Variants in MACO1 observed in about 807,000 individuals in gnomAD.
MACO1 encodes the protein macoilin 1, also known as macoilin.
Under a neutral mutation model 78.7 loss-of-function variants are expected in MACO1, and 14 were observed. The ratio of observed to expected loss-of-function variants is 0.18; its 90% confidence interval spans 0.12 to 0.28. The LOEUF is 0.28. Among genes scored for constraint, MACO1 ranks in the 10% least tolerant of loss-of-function variants. The pLI is 1.00. For synonymous variants in MACO1, 288 were observed against 291.6 expected (o/e 0.99, Z 0.12); for missense variants, 501 against 799.0 (o/e 0.63, Z 4.50).
intron 2 of MACO1, among the ~76,000 whole-genome samples, chr1:25,447,552 G>A (rs1410772125): frequency 6.6e-6 from 1 of 152,086 alleles, no homozygotes; most frequent in Non-Finnish European, 1.5e-5. Context: ...TAGAAGAGTG[G>A]CTCCATTTTT....
intron 6 of MACO1, among the ~76,000 whole-genome samples, chr1:25,478,967 G>C (rs1284309101): frequency 6.6e-6 from 1 of 152,098 alleles, no homozygotes; most frequent in East Asian, 1.9e-4. Flanking sequence ...TTTTAAATGA[G>C]ATTGTAGCTC....
intron 2 of MACO1, among the ~76,000 whole-genome samples, chr1:25,448,576 T>C (rs2043036706): frequency 6.6e-6 from 1 of 152,242 alleles, no homozygotes; most frequent in Non-Finnish European, 1.5e-5. Context: ...CCAGTTCTTT[T>C]TCATGATTTG....
Position 25,485,302 on chromosome 1 carries a change from A to G in MACO1, c.1314-311A>G, listed in dbSNP as rs925986267. 1.3e-5 allele frequency among the ~76,000 whole-genome samples: 2 copies of G among 152,210 alleles called. No homozygotes were observed. The highest frequency in any genetic ancestry group is 4.8e-5 in the African/African-American group (2 of 41,446). On this transcript the variant is annotated intron_variant, in intron 7 of 10. Coordinates refer to ENST00000374343, the MANE Select transcript of MACO1 (RefSeq NM_018202.6). The surrounding 1 kb of genome is among the most constrained non-coding windows in gnomAD (Gnocchi z 4.3). ...GCTCTGGAACATTAGAATTAGTTCT[A>G]CAATTATCTTCCCCTCTGTTCAAAA...
intron 2 of MACO1, among the ~76,000 whole-genome samples, chr1:25,447,290 A>T (rs1198192022): frequency 6.6e-6 from 1 of 152,014 alleles, no homozygotes; most frequent in Non-Finnish European, 1.5e-5. Flanking sequence ...ATTGGATTGG[A>T]GTTAGAGTAG....
chr1:25,462,128 C>T (rs2043177304), intron 6 of MACO1, among the ~76,000 whole-genome samples: 1 of 152,138 alleles, frequency 6.6e-6, no homozygotes, highest in Non-Finnish European at 1.5e-5. Flanking sequence ...CCAGATGGAG[C>T]AGCCTGGACT....
At chr1:25,487,729 G>A (rs1432327620) in intron 8 of MACO1, among the ~76,000 whole-genome samples, 2 of 152,140 alleles carry the variant, frequency 1.3e-5, no homozygotes, top group Admixed American at 1.3e-4. Context: ...CTCAAAAGTG[G>A]GGGGAAAATT....
chr1:25,479,661 A>G (rs2043353692), intron 6 of MACO1, among the ~76,000 whole-genome samples: 1 of 152,152 alleles, frequency 6.6e-6, no homozygotes, highest in Non-Finnish European at 1.5e-5. Context: ...TGCCCGCCTC[A>G]GCTTCCCAAA....
At position 25,499,044 on chromosome 1, in the gene MACO1, C is replaced by G. The variant is rs1325013395; in HGVS notation, c.*578C>G. On this transcript the variant is annotated 3_prime_UTR_variant, in exon 11 of 11. Coordinates refer to ENST00000374343, the MANE Select transcript of MACO1 (RefSeq NM_018202.6). ...AGCATCATTTAAGCTAAGAAGAGAC[C>G]TAAGTGATGAAACTAGCTGTAAGAA... 1 of 152,220 alleles carries G rather than the reference C, an allele frequency of 6.6e-6. No homozygotes were observed. The highest frequency in any genetic ancestry group is 1.5e-5 in the Non-Finnish European group (1 of 68,080). 9.4% of individuals were successfully genotyped at this position (152,220 alleles called of 1,614,324 possible).
At chr1:25,482,440 C>G (rs373411844) in intron 6 of MACO1, among the ~76,000 whole-genome samples, 1 of 152,206 alleles carries the variant, frequency 6.6e-6, no homozygotes, top group African/African-American at 2.4e-5. Flanking sequence ...CTTTCCTACT[C>G]TCTCCCCAGT....
chr1:25,460,253 G>GA (rs978665183), intron 6 of MACO1, among the ~76,000 whole-genome samples: 1 of 152,112 alleles, frequency 6.6e-6, no homozygotes, highest in African/African-American at 2.4e-5. Context: ...GTGCCCAGCA[G>GA]AAAAAACACG....
chr1:25,437,298 C>CTTT (rs1173305681), intron 1 of MACO1, among the ~76,000 whole-genome samples: 66 of 65,836 alleles, frequency 1.0e-3, no homozygotes, highest in African/African-American at 1.7e-3. Context: ...CCATGCCTGG[C>CTTT]TTTTTTTTTT....
At chr1:25,441,926 C>T (rs145226118) in intron 1 of MACO1, among the ~76,000 whole-genome samples, 33 of 152,244 alleles carry the variant, frequency 2.2e-4, no homozygotes, top group African/African-American at 7.5e-4. Context: ...GTGATAAGTA[C>T]GGATTATCTG....
At chr1:25,440,890 C>T (rs545463098) in intron 1 of MACO1, among the ~76,000 whole-genome samples, 1 of 152,258 alleles carries the variant, frequency 6.6e-6, no homozygotes, top group African/African-American at 2.4e-5. Context: ...TTGAGAACCA[C>T]CGCTGTCGTC....
intron 3 of MACO1, among the ~76,000 whole-genome samples, chr1:25,449,459 T>C (rs186738124): frequency 6.6e-6 from 1 of 152,322 alleles, no homozygotes; most frequent in East Asian, 1.9e-4. Flanking sequence ...ATTCCTCATA[T>C]TAAGCCAGAA....
chr1:25,443,973 C>T (rs1186693151), intron 1 of MACO1, among the ~76,000 whole-genome samples: 1 of 149,818 alleles, frequency 6.7e-6, no homozygotes, highest in Non-Finnish European at 1.5e-5. Flanking sequence ...GTGTCTTGGC[C>T]AGACACAGTG....
chr1:25,497,128 C>G (rs2043544526), intron 10 of MACO1, among the ~76,000 whole-genome samples: 1 of 152,108 alleles, frequency 6.6e-6, no homozygotes, highest in African/African-American at 2.4e-5. Context: ...CACCTGTAAT[C>G]CCAGCACTTT....
At chr1:25,495,706 G>C (rs567043189) in intron 10 of MACO1, among the ~76,000 whole-genome samples, 1 of 152,208 alleles carries the variant, frequency 6.6e-6, no homozygotes, top group Non-Finnish European at 1.5e-5. Context: ...GCTCACACCT[G>C]TAATACCAGC....
intron 10 of MACO1, among the ~76,000 whole-genome samples, chr1:25,497,189 T>C (rs896717246): frequency 5.3e-5 from 8 of 152,084 alleles, no homozygotes; most frequent in African/African-American, 1.7e-4. Flanking sequence ...GAGACCAGCC[T>C]GACCAACATG....
At chr1:25,452,200 A>T (rs974355406) in intron 3 of MACO1, among the ~76,000 whole-genome samples, 8 of 152,162 alleles carry the variant, frequency 5.3e-5, no homozygotes, top group Non-Finnish European at 8.8e-5. Context: ...TAGTTTGAAG[A>T]TACTATGATT....
Sources: gnomAD v4.1 joint callset for allele counts (sites outside exome capture counted in the v4.1 genomes callset) on GRCh38, gnomAD v4.1.1 for gene constraint, Gnocchi (gnomAD v3.1) non-coding constraint, MANE v1.5 for transcripts, NCBI Gene and HGNC (gene_info 2026-07-23, HGNC 2026-07-21) for gene names.